The following OPCML variants were observed in gnomAD, a reference collection of about 807,000 sequenced individuals.
OPCML encodes the protein opioid binding protein/cell adhesion molecule like.
In OPCML, 13 loss-of-function variants were observed where a neutral mutation model predicts 37.8. That is an observed-to-expected ratio of 0.34 (90% CI 0.22 to 0.55). The LOEUF is 0.55. Among genes scored for constraint, OPCML ranks in the 20% least tolerant of loss-of-function variants. The pLI is 0.91. For synonymous variants in OPCML, 176 were observed against 168.8 expected (o/e 1.04, Z -0.33); for missense variants, 341 against 435.6 (o/e 0.78, Z 1.93).
chr11:132,486,691 T>C (rs2096200947), intron 4 of OPCML, among the ~76,000 whole-genome samples: 2 of 152,162 alleles, frequency 1.3e-5, no homozygotes. Context: ...TTTCTTTCTT[T>C]CCTTTTTTTC....
At position 132,809,905 on chromosome 11, in the gene OPCML, A is replaced by G. The variant is rs569635753; in HGVS notation, c.146+133021T>C. ...TTGCTCTGTCGCCAGGCTGGAGTGC[A>G]GTGGCGCGATCTCGGCTCACTGCAG... On this transcript the variant is annotated intron_variant, in intron 2 of 7. Coordinates refer to ENST00000524381, the MANE Select transcript of OPCML (RefSeq NM_001012393.5). 4.3e-3 allele frequency among the ~76,000 whole-genome samples: 650 copies of G among 152,244 alleles called. 3 individuals carry two copies. Among genetic ancestry groups the G allele is most frequent in the African/African-American group, 0.015 (615 of 41,552 alleles).
chr11:133,225,751 T>C (rs1025153325), intron 1 of OPCML, among the ~76,000 whole-genome samples: 3 of 152,192 alleles, frequency 2.0e-5, no homozygotes, highest in African/African-American at 4.8e-5. Context: ...GAGGCCAGTA[T>C]AGGAAAAAGG....
intron 2 of OPCML, among the ~76,000 whole-genome samples, chr11:132,891,660 T>C (rs1943653985): frequency 6.6e-6 from 1 of 152,212 alleles, no homozygotes; most frequent in Non-Finnish European, 1.5e-5. Flanking sequence ...GTCTAGAACA[T>C]GGCCTGGCAC....
Position 132,417,544 on chromosome 11 carries a change from G to A in OPCML, c.*2649C>T, listed in dbSNP as rs2095942881. On this transcript the variant is annotated 3_prime_UTR_variant, in exon 8 of 8. Transcript: ENST00000524381. The stretch of plus-strand genomic sequence containing the variant: ...AGTGGCCCTGAAGCCAGCCTTGTTG[G>A]GTTGAGAGGTTCTGATGATCTTGGC... 6.6e-6 allele frequency: 1 copy of A among 152,210 alleles called. No homozygotes were observed. The highest frequency in any genetic ancestry group is 1.5e-5 in the Non-Finnish European group (1 of 68,098). The allele number at this position is 152,210 out of a possible 1,614,324, so 9.4% of individuals were successfully genotyped here.
intron 1 of OPCML, among the ~76,000 whole-genome samples, chr11:132,993,584 G>T (rs1019931624): frequency 1.1e-4 from 16 of 152,072 alleles, no homozygotes; most frequent in African/African-American, 3.6e-4. Flanking sequence ...TGGTGGATGC[G>T]CTGCCCCGCT....
At chr11:132,759,274 G>A (rs887647625) in intron 2 of OPCML, among the ~76,000 whole-genome samples, 11 of 152,030 alleles carry the variant, frequency 7.2e-5, no homozygotes, top group African/African-American at 2.2e-4. Flanking sequence ...TTTTTGTTGC[G>A]TCTCTGCCAG....
chr11:132,511,597 A>G (rs1335900237), intron 4 of OPCML, among the ~76,000 whole-genome samples: 2 of 152,058 alleles, frequency 1.3e-5, no homozygotes, highest in African/African-American at 4.8e-5. Context: ...AGATTCCCAG[A>G]AAGAAATCAG....
At chr11:133,140,120 G>A (rs542432718) in intron 1 of OPCML, among the ~76,000 whole-genome samples, 2 of 151,620 alleles carry the variant, frequency 1.3e-5, no homozygotes, top group African/African-American at 2.4e-5. Context: ...CCGGGAGGCA[G>A]AGGTTGCAGT....
intron 3 of OPCML, among the ~76,000 whole-genome samples, chr11:132,620,212 C>A (rs773889461): frequency 6.6e-6 from 1 of 152,102 alleles, no homozygotes; most frequent in Non-Finnish European, 1.5e-5. Context: ...AGAATGAATC[C>A]AAGTCAGAGC....
intron 3 of OPCML, among the ~76,000 whole-genome samples, chr11:132,554,103 C>T (rs1034171045): frequency 2.0e-5 from 3 of 152,146 alleles, no homozygotes; most frequent in African/African-American, 4.8e-5. Context: ...AAGGAGAACA[C>T]GCTGGGACCT....
chr11:132,925,641 A>G (rs1463356420), intron 2 of OPCML, among the ~76,000 whole-genome samples: 2 of 152,318 alleles, frequency 1.3e-5, no homozygotes, highest in African/African-American at 2.4e-5. Flanking sequence ...TAAAGATCCT[A>G]GAAGACTCTG....
At chr11:133,504,165 GC>G (rs1947978693) in intron 1 of OPCML, among the ~76,000 whole-genome samples, 2 of 152,152 alleles carry the variant, frequency 1.3e-5, no homozygotes, top group Non-Finnish European at 2.9e-5. Context: ...GTAATGCAAG[GC>G]AGACCTGTCC....
chr11:133,054,631 A>G (rs978774490), intron 1 of OPCML, among the ~76,000 whole-genome samples: 15 of 152,236 alleles, frequency 9.9e-5, no homozygotes, highest in African/African-American at 3.6e-4. Flanking sequence ...ATCAACAGGC[A>G]AAGATGATTT....
chr11:133,198,238 C>G (rs1416893417), intron 1 of OPCML, among the ~76,000 whole-genome samples: 1 of 152,200 alleles, frequency 6.6e-6, no homozygotes, highest in Non-Finnish European at 1.5e-5. Flanking sequence ...CAATAACCCG[C>G]AGTGGGGAGA....
intron 1 of OPCML, chr11:133,118,406 G>T: frequency 1.0e-6 from 1 of 985,350 alleles, no homozygotes; most frequent in South Asian, 4.7e-5. Context: ...GTCAGGGCTG[G>T]CCTTCCTTTC....
chr11:133,024,619 T>C, intron 1 of OPCML: 1 of 957,584 alleles, frequency 1.0e-6, no homozygotes, highest in Non-Finnish European at 1.2e-6. Context: ...TTGCAAAACA[T>C]GTCAAGCAAG....
chr11:132,767,547 C>T (rs897064795), intron 2 of OPCML, among the ~76,000 whole-genome samples: 5 of 152,198 alleles, frequency 3.3e-5, no homozygotes, highest in Non-Finnish European at 7.3e-5. Flanking sequence ...GGACTGACTT[C>T]CATAGTGTGC....
At chr11:132,829,726 T>C (rs956183785) in intron 2 of OPCML, among the ~76,000 whole-genome samples, 1 of 152,120 alleles carries the variant, frequency 6.6e-6, no homozygotes, top group Admixed American at 6.5e-5. Context: ...ATCCTTTCTG[T>C]TTTTGGGGGT....
At chr11:132,715,847 T>C (rs772866921) in intron 2 of OPCML, among the ~76,000 whole-genome samples, 2 of 152,210 alleles carry the variant, frequency 1.3e-5, no homozygotes, top group Non-Finnish European at 2.9e-5. Flanking sequence ...TCTACTGGGA[T>C]AATGATACCT....
Sources: gnomAD v4.1 joint callset for allele counts (sites outside exome capture counted in the v4.1 genomes callset) on GRCh38, gnomAD v4.1.1 for gene constraint, MANE v1.5 for transcripts, NCBI Gene and HGNC (gene_info 2026-07-23, HGNC 2026-07-21) for gene names.